KLB: variants seen among roughly 807,000 people sequenced by gnomAD.
KLB encodes the protein beta-klotho.
In KLB, 44 loss-of-function variants were observed where a neutral mutation model predicts 88.4. That is an observed-to-expected ratio of 0.50 (90% CI 0.39 to 0.64). The LOEUF is 0.64. KLB is among the 30% of genes least tolerant of loss of function. KLB has a pLI of 0.00. For synonymous variants in KLB, 548 were observed against 513.4 expected (o/e 1.07, Z -0.91); for missense variants, 1,137 against 1,304.8 (o/e 0.87, Z 1.98).
At chr4:39,431,354 C>T (rs1244239109) in intron 1 of KLB, among the ~76,000 whole-genome samples, 1 of 152,142 alleles carries the variant, frequency 6.6e-6, no homozygotes, top group Non-Finnish European at 1.5e-5. Context: ...TGGGTTCAAG[C>T]GATTCTCCTG....
chr4:39,425,970 T>C (rs1182972891), intron 1 of KLB, among the ~76,000 whole-genome samples: 1 of 143,444 alleles, frequency 7.0e-6, no homozygotes, highest in Admixed American at 7.0e-5. Flanking sequence ...ACACAAAAAC[T>C]AGGCCGGGCG....
chr4:39,431,150 G>A (rs1279690282), intron 1 of KLB, among the ~76,000 whole-genome samples: 1 of 143,014 alleles, frequency 7.0e-6, no homozygotes, highest in East Asian at 2.1e-4. Context: ...GGCTGATCTC[G>A]AATTCCTGAG....
chr4:39,411,632 G>T (rs1349109284), intron 1 of KLB, among the ~76,000 whole-genome samples: 1 of 151,080 alleles, frequency 6.6e-6, no homozygotes, highest in Admixed American at 6.6e-5. Context: ...CGATTCTCCC[G>T]CCTCAGCCTC....
intron 3 of KLB, among the ~76,000 whole-genome samples, chr4:39,445,885 C>T (rs1014720340): frequency 2.4e-4 from 36 of 152,078 alleles, no homozygotes; most frequent in Admixed American, 2.1e-3. Context: ...TTGCCTACCC[C>T]ACCGCACCAG....
Position 39,436,249 on chromosome 4 carries a change from G to A in KLB, c.1337-1478G>A, listed in dbSNP as rs763785460. Among the ~76,000 whole-genome samples, 70 of 152,164 alleles carry A rather than the reference G, an allele frequency of 4.6e-4. 1 individual carries two copies. The highest frequency in any genetic ancestry group is 2.1e-3 in the Admixed American group (32 of 15,274). On this transcript the variant is annotated intron_variant, in intron 2 of 4. Coordinates refer to ENST00000257408, the MANE Select transcript of KLB (RefSeq NM_175737.4). Reference sequence around the variant, plus strand: ...TCACAAGCCAGGAAGAAAATCCCAGGTGCTGCTGGAGAGAGCCTTCAGGGA... The same window carrying A: ...TCACAAGCCAGGAAGAAAATCCCAGATGCTGCTGGAGAGAGCCTTCAGGGA...
At chr4:39,418,268 C>T (rs1251392539) in intron 1 of KLB, among the ~76,000 whole-genome samples, 4 of 152,024 alleles carry the variant, frequency 2.6e-5, no homozygotes, top group Admixed American at 6.6e-5. Flanking sequence ...TGAAGAGTCT[C>T]GCTCTGTCAC....
Position 39,447,487 on chromosome 4 carries a change from G to A in KLB, c.2749+12G>A, listed in dbSNP as rs746847648. On this transcript the variant is annotated intron_variant, in intron 4 of 4. Transcript: ENST00000257408. The stretch of plus-strand genomic sequence containing the variant: ...GGAGGTGCTGAAAGGTAAGGGCGGG[G>A]CCCCTTCAGACACAGGGCAGAGCGA... 2 of 1,546,006 alleles carry A rather than the reference G, an allele frequency of 1.3e-6. No homozygotes were observed. The highest frequency in any genetic ancestry group is 1.9e-4 in the Middle Eastern group (1 of 5,188).
In KLB at chr4:39,447,129, G is replaced by C. The variant is rs568412722; in HGVS notation, c.2403G>C (p.Ser801=). 1.9e-5 allele frequency: 31 copies of C among 1,613,578 alleles called. No individual in the cohort carries two copies. The Admixed American group carries it at 4.2e-4, about 22-fold the overall frequency. ...ASKHRRGLSS[S]ALPRLTEAER... ...AGCACCGACGGGGGCTTTCCAGCTC[G>C]GCCCTGCCGCGCCTCACCGAGGCCG... Residue 801 remains serine (S), a synonymous_variant, in exon 4 of 5, where the codon TCG becomes TCC. Coordinates refer to ENST00000257408, the MANE Select transcript of KLB (RefSeq NM_175737.4).
intron 1 of KLB, among the ~76,000 whole-genome samples, chr4:39,427,625 T>A (rs1283771514): frequency 6.6e-6 from 1 of 152,134 alleles, no homozygotes; most frequent in Non-Finnish European, 1.5e-5. Context: ...GGCAAACATG[T>A]TCAGCCACGA....
rs550664546 is a variant in KLB at position 39,448,722 on chromosome 4, C to T, written c.*36C>T. 2.2e-5 allele frequency: 35 copies of T among 1,565,358 alleles called. No individual in the cohort carries two copies. The highest frequency in any genetic ancestry group is 3.6e-5 in the Admixed American group (2 of 55,550). The stretch of plus-strand genomic sequence containing the variant: ...CTGCATGATAGACAGTTTAAAAATT[C>T]ATCCCAGTTCCATATGCTGGTAACT... On this transcript the variant is annotated 3_prime_UTR_variant, in exon 5 of 5. Coordinates refer to ENST00000257408, the MANE Select transcript of KLB (RefSeq NM_175737.4).
intron 1 of KLB, among the ~76,000 whole-genome samples, chr4:39,411,692 G>T (rs1440347535): frequency 6.6e-6 from 1 of 151,628 alleles, no homozygotes; most frequent in African/African-American, 2.4e-5. Flanking sequence ...GCCCTGGCTT[G>T]GCCATTTTTA....
rs780136183 is a variant in KLB, at chr4:39,407,163, G to T, written c.214G>T (p.Glu72Ter). The change falls in exon 1 of 5, where the codon GAA becomes TAA. Residue 72 changes from glutamate to a stop codon, truncating the protein, a stop_gained. Coordinates refer to ENST00000257408, the MANE Select transcript of KLB (RefSeq NM_175737.4). LOFTEE classifies it high-confidence loss of function. The stretch of plus-strand genomic sequence containing the variant: ...AAATCCTAATTTTACTCCGGTAAAT[G>T]AAAGTCAGCTGTTTCTCTATGACAC... ...SKNPNFTPVN[E>*]SQLFLYDTFP... The T allele has an allele frequency of 6.2e-7, 1 of 1,614,148 alleles. No individual in the cohort carries two copies. Among genetic ancestry groups the T allele is most frequent in the Non-Finnish European group, 8.5e-7 (1 of 1,179,986 alleles).
At chr4:39,416,181 T>TTTAATCA (rs1296364837) in intron 1 of KLB, among the ~76,000 whole-genome samples, 6 of 151,940 alleles carry the variant, frequency 3.9e-5, no homozygotes, top group African/African-American at 1.5e-4. Context: ...ATCAATTAGA[T>TTTAATCA]ATGTCTCTTT....
rs575362334 is a variant in KLB at position 39,407,395 on chromosome 4, A to G, written c.446A>G (p.Tyr149Cys). 6.2e-7 allele frequency: 1 copy of G among 1,613,542 alleles called. No individual in the cohort carries two copies. The highest frequency in any genetic ancestry group is 1.7e-5 in the Admixed American group (1 of 59,804). Residue 149 changes from tyrosine (Y) to cysteine (C), a missense_variant, in exon 1 of 5, where the codon TAT becomes TGT. Physicochemically the swap from Tyr to Cys is radical, Grantham distance 194. Coordinates refer to ENST00000257408, the MANE Select transcript of KLB (RefSeq NM_175737.4). ...SALDFIGVSF[Y>C]QFSISWPRLF... ...CTGGATTTTATAGGAGTTTCTTTTT[A>G]TCAATTTTCAATTTCCTGGCCAAGG...
intron 1 of KLB, among the ~76,000 whole-genome samples, chr4:39,422,011 G>A (rs1743098964): frequency 6.6e-6 from 1 of 152,252 alleles, no homozygotes; most frequent in Admixed American, 6.5e-5. Flanking sequence ...CTCCCAAAGT[G>A]TTGGAATTAC....
At position 39,437,699 on chromosome 4, in the gene KLB, ACATCTCTG is replaced by A; in HGVS notation, c.1337-26_1337-19del. ...TGAACTAGAATGTTTAGGCCTCTGA[ACATCTCTG>A]CTTTCTTTTCTCTGTGCAGCAATAA... On this transcript the variant is annotated intron_variant, in intron 2 of 4. Coordinates refer to ENST00000257408, the MANE Select transcript of KLB (RefSeq NM_175737.4). The A allele has an allele frequency of 6.3e-7, 1 of 1,581,568 alleles. No homozygotes were observed. Among genetic ancestry groups the A allele is most frequent in the Non-Finnish European group, 8.6e-7 (1 of 1,161,332 alleles).
chr4:39,412,762 C>T (rs1320700779), intron 1 of KLB, among the ~76,000 whole-genome samples: 1 of 152,104 alleles, frequency 6.6e-6, no homozygotes, highest in Non-Finnish European at 1.5e-5. Flanking sequence ...AAAGGAGAGA[C>T]AATTTTTAAA....
chr4:39,428,160 C>T (rs1743260585), intron 1 of KLB, among the ~76,000 whole-genome samples: 1 of 152,214 alleles, frequency 6.6e-6, no homozygotes, highest in Non-Finnish European at 1.5e-5. Flanking sequence ...GGCCGGGTGG[C>T]TCACGCCTGT....
chr4:39,446,592 C>T lies in KLB; in HGVS notation c.1866C>T (p.Tyr622=). 6.2e-7 allele frequency: 1 copy of T among 1,614,208 alleles called. No homozygotes were observed. The highest frequency in any genetic ancestry group is 1.3e-5 in the African/African-American group (1 of 75,072). Reference sequence around the variant, plus strand: ...CGGTGAACCGACAGGCCCTGAGGTACTACAGGTGCGTGGTCAGTGAGGGGC... The same window carrying T: ...CGGTGAACCGACAGGCCCTGAGGTATTACAGGTGCGTGGTCAGTGAGGGGC... The part of the protein sequence containing the change: ...LSAVNRQALR[Y]YRCVVSEGLK... Residue 622 remains tyrosine (Y), a synonymous_variant, in exon 4 of 5, where the codon TAC becomes TAT. Coordinates refer to ENST00000257408, the MANE Select transcript of KLB (RefSeq NM_175737.4). The surrounding 1 kb of genome is among the most constrained non-coding windows in gnomAD (Gnocchi z 6.4).
Sources: gnomAD v4.1 joint callset for allele counts (sites outside exome capture counted in the v4.1 genomes callset) on GRCh38, gnomAD v4.1.1 for gene constraint, Gnocchi (gnomAD v3.1) non-coding constraint, MANE v1.5 for transcripts, NCBI Gene and HGNC (gene_info 2026-07-23, HGNC 2026-07-21) for gene names.